PARD3B: variants seen among roughly 807,000 people sequenced by gnomAD.
The protein encoded by PARD3B is partitioning defective 3 homolog B.
Under a neutral mutation model 130.2 loss-of-function variants are expected in PARD3B, and 103 were observed. The observed-to-expected ratio is 0.79, with a 90% CI of 0.67 to 0.93. The LOEUF is 0.93. Ranked by LOEUF, PARD3B falls within the 40% of genes least tolerant of loss-of-function variation. The pLI, the probability that PARD3B is intolerant of heterozygous loss-of-function variation, is 0.00. For missense variants in PARD3B, 1,609 were observed against 1,499.2 expected (o/e 1.07, Z -1.21); for synonymous variants, 583 against 553.2 (o/e 1.05, Z -0.76).
At chr2:204,966,503 G>A (rs1055108173) in intron 3 of PARD3B, among the ~76,000 whole-genome samples, 2 of 152,042 alleles carry the variant, frequency 1.3e-5, no homozygotes, top group South Asian at 4.1e-4. Flanking sequence ...TTATGCAAAT[G>A]GTATGAGAGG....
At chr2:205,614,223 C>G (rs766704408) in intron 22 of PARD3B, among the ~76,000 whole-genome samples, 4 of 152,138 alleles carry the variant, frequency 2.6e-5, no homozygotes, top group Non-Finnish European at 5.9e-5. Flanking sequence ...TCAGAAGATG[C>G]TTGTTTTCTT....
At chr2:204,656,470 T>C (rs2125176500) in intron 1 of PARD3B, among the ~76,000 whole-genome samples, 1 of 152,302 alleles carries the variant, frequency 6.6e-6, no homozygotes, top group East Asian at 1.9e-4. Context: ...TCCAATCTAC[T>C]TCACTGTTTA....
chr2:205,379,846 G>A (rs766953769), intron 18 of PARD3B, among the ~76,000 whole-genome samples: 1 of 151,742 alleles, frequency 6.6e-6, no homozygotes, highest in Non-Finnish European at 1.5e-5. Flanking sequence ...AAAGCGGGTG[G>A]ATCACAAGTT....
intron 15 of PARD3B, among the ~76,000 whole-genome samples, chr2:205,238,966 A>G (rs1394113941): frequency 2.0e-5 from 3 of 146,346 alleles, no homozygotes; most frequent in Non-Finnish European, 4.5e-5. Context: ...CTGATGTGCT[A>G]GAGTACAGAA....
intron 3 of PARD3B, among the ~76,000 whole-genome samples, chr2:204,980,493 A>G (rs1319791438): frequency 1.3e-5 from 2 of 152,186 alleles, no homozygotes; most frequent in Non-Finnish European, 2.9e-5. Context: ...AAAGAATAGG[A>G]TACTGAAAAA....
intron 5 of PARD3B, among the ~76,000 whole-genome samples, chr2:205,111,615 T>C (rs1703652133): frequency 6.6e-6 from 1 of 152,064 alleles, no homozygotes; most frequent in Non-Finnish European, 1.5e-5. Flanking sequence ...AAAGGTATTC[T>C]AAAAATTCTT....
intron 6 of PARD3B, among the ~76,000 whole-genome samples, chr2:205,115,544 G>T (rs930167523): frequency 6.6e-6 from 1 of 152,146 alleles, no homozygotes; most frequent in Admixed American, 6.5e-5. Flanking sequence ...TAACTGTTCA[G>T]TAACTTGGTG....
rs979474117 is a variant in PARD3B at position 205,620,105 on chromosome 2, GTATA to G, written c.*4295_*4298del. 3 of 151,922 alleles carry G rather than the reference GTATA, an allele frequency of 2.0e-5. No homozygotes were observed. The highest frequency in any genetic ancestry group is 7.3e-5 in the African/African-American group (3 of 41,352). The allele number at this position is 151,922 out of a possible 1,614,324, so 9.4% of individuals were successfully genotyped here. On this transcript the variant is annotated 3_prime_UTR_variant, in exon 23 of 23. Coordinates refer to ENST00000406610, the MANE Select transcript of PARD3B (RefSeq NM_001302769.2). Reference sequence around the variant, plus strand: ...ACATTTTGGAAGTTGTTATATATGAGTATATAAATTTTTCTTTTCATATTTTACA... The same window carrying G: ...ACATTTTGGAAGTTGTTATATATGAGTAAATTTTTCTTTTCATATTTTACA...
intron 1 of PARD3B, among the ~76,000 whole-genome samples, chr2:204,685,928 T>G (rs1401437097): frequency 6.6e-6 from 1 of 152,204 alleles, no homozygotes; most frequent in Non-Finnish European, 1.5e-5. Flanking sequence ...TCAAACAGTT[T>G]ATTTTTGCAT....
intron 2 of PARD3B, among the ~76,000 whole-genome samples, chr2:204,729,915 A>G (rs1354907784): frequency 6.6e-6 from 1 of 151,886 alleles, no homozygotes; most frequent in Non-Finnish European, 1.5e-5. Context: ...TCCGACTCCC[A>G]GGATTATTGA....
intron 22 of PARD3B, among the ~76,000 whole-genome samples, chr2:205,565,364 T>C (rs1660261945): frequency 6.6e-6 from 1 of 152,240 alleles, no homozygotes; most frequent in South Asian, 2.1e-4. Context: ...TCACTTTCCA[T>C]TGATATGTCG....
At chr2:205,226,519 GA>G (rs2038559585) in intron 15 of PARD3B, among the ~76,000 whole-genome samples, 1 of 152,140 alleles carries the variant, frequency 6.6e-6, no homozygotes, top group Admixed American at 6.5e-5. Flanking sequence ...AATCCATGTA[GA>G]TTTGATTTTT....
chr2:205,056,927 A>T (rs956034181), intron 4 of PARD3B, among the ~76,000 whole-genome samples: 1 of 141,922 alleles, frequency 7.0e-6, no homozygotes, highest in South Asian at 2.2e-4. Flanking sequence ...ATATATATAT[A>T]TATATATTTG....
chr2:205,608,825 C>G (rs1490807674), intron 22 of PARD3B, among the ~76,000 whole-genome samples: 1 of 152,250 alleles, frequency 6.6e-6, no homozygotes, highest in South Asian at 2.1e-4. Context: ...ATATGAGCAA[C>G]CAAAATTATA....
intron 22 of PARD3B, among the ~76,000 whole-genome samples, chr2:205,567,475 C>G (rs916597615): frequency 3.6e-5 from 2 of 55,772 alleles, no homozygotes; most frequent in East Asian, 1.3e-3. Context: ...CCACCATGCC[C>G]GGTTAATTTT....
chr2:205,175,957 G>A (rs1361920557), intron 12 of PARD3B, among the ~76,000 whole-genome samples: 1 of 152,196 alleles, frequency 6.6e-6, no homozygotes, highest in Non-Finnish European at 1.5e-5. Context: ...TTAGCTCCTG[G>A]CCAAAGACCT....
At chr2:204,594,991 T>C (rs978117813) in intron 1 of PARD3B, among the ~76,000 whole-genome samples, 4 of 152,182 alleles carry the variant, frequency 2.6e-5, no homozygotes, top group African/African-American at 9.6e-5. Flanking sequence ...GAGAAATGTC[T>C]GTTCCTTAGC....
In PARD3B at chr2:205,222,533, T is replaced by G. The variant is rs143959728; in HGVS notation, c.2141-23245T>G. Among the ~76,000 whole-genome samples the G allele has an allele frequency of 5.1e-3, 778 of 152,344 alleles. 11 individuals are homozygous for G. Among genetic ancestry groups the G allele is most frequent in the Middle Eastern group, 0.01 (3 of 294 alleles). ...CACATGCTAAATTGGTAATAAGTTT[T>G]CATTTCCTTCCTATCTGTTAAAAAA... On this transcript the variant is annotated intron_variant, in intron 15 of 22. Transcript: ENST00000406610.
At chr2:205,465,773 G>A (rs2048599568) in intron 20 of PARD3B, among the ~76,000 whole-genome samples, 1 of 152,152 alleles carries the variant, frequency 6.6e-6, no homozygotes, top group Non-Finnish European at 1.5e-5. Flanking sequence ...TTGAAGGAAT[G>A]GGATAAAAAC....
Sources: allele counts gnomAD v4.1 joint callset (sites outside exome capture counted in the v4.1 genomes callset), GRCh38; gene constraint gnomAD v4.1.1; transcripts MANE v1.5; gene names NCBI Gene and HGNC (gene_info 2026-07-23, HGNC 2026-07-21).